SLC75A1: variants seen among roughly 807,000 people sequenced by gnomAD.
The protein encoded by SLC75A1 is major facilitator superfamily domain containing 10.
At chr4:2,931,380 G>A in the SLC75A1 span, 1 of 1,550,046 alleles carries the variant, frequency 6.5e-7, no homozygotes, top group South Asian at 1.2e-5. Context: ...CTCACCAAAG[G>A]AGTAGAGCAG....
At chr4:2,931,596 G>C in the SLC75A1 span, 10 of 1,613,412 alleles carry the variant, frequency 6.2e-6, no homozygotes, top group South Asian at 9.9e-5. Context: ...TGGATCCGCC[G>C]GGCATAGGCA....
the SLC75A1 span, chr4:2,931,001 TGGGA>T: frequency 1.2e-6 from 2 of 1,612,090 alleles, no homozygotes; most frequent in Non-Finnish European, 1.7e-6. Flanking sequence ...GGCTGGCACT[TGGGA>T]GGCGAGGGCA....
the SLC75A1 span, chr4:2,932,693 G>A: frequency 6.2e-7 from 1 of 1,607,914 alleles, no homozygotes; most frequent in South Asian, 1.1e-5. Flanking sequence ...CAATCAGCCT[G>A]GAGGCCAGGA....
At chr4:2,932,343 A>G in the SLC75A1 span, 7 of 1,611,238 alleles carry the variant, frequency 4.3e-6, no homozygotes, top group Admixed American at 1.7e-5. Flanking sequence ...CCCAGACCAC[A>G]GCCCTACCCG....
the SLC75A1 span, chr4:2,932,181 A>G: frequency 6.3e-7 from 1 of 1,584,420 alleles, no homozygotes. Context: ...GAGAGCCTGC[A>G]GGAGCGGCTG....
the SLC75A1 span, chr4:2,933,996 C>G: frequency 1.4e-6 from 2 of 1,459,746 alleles, no homozygotes; most frequent in African/African-American, 1.4e-5. Flanking sequence ...TCCTCCGGGG[C>G]CTGGCATACC....
chr4:2,932,310 C>T, the SLC75A1 span: 25 of 1,591,200 alleles, frequency 1.6e-5, no homozygotes, highest in Admixed American at 1.4e-4. Context: ...GGAATCAAGC[C>T]TCCAGCCCCT....
At chr4:2,930,953 A>G in the SLC75A1 span, 1 of 1,613,048 alleles carries the variant, frequency 6.2e-7, no homozygotes, top group Non-Finnish European at 8.5e-7. Context: ...CAGCCAGTAC[A>G]CTGCGGAGAG....
At chr4:2,933,286 C>T in the SLC75A1 span, 1 of 1,387,898 alleles carries the variant, frequency 7.2e-7, no homozygotes, top group Non-Finnish European at 1.0e-6. Context: ...GGCCAATGTC[C>T]AGCCCCGTCC....
the SLC75A1 span, chr4:2,931,265 A>G: frequency 6.4e-7 from 1 of 1,558,486 alleles, no homozygotes; most frequent in Non-Finnish European, 8.7e-7. Context: ...GGGCACCACA[A>G]CGGCGGCGGC....
At chr4:2,930,880 C>T in the SLC75A1 span, 1 of 1,612,962 alleles carries the variant, frequency 6.2e-7, no homozygotes, top group African/African-American at 1.3e-5. Flanking sequence ...TCAGCTTCTG[C>T]AGGAGGAAGA....
chr4:2,932,377 G>A, the SLC75A1 span: 27 of 1,613,392 alleles, frequency 1.7e-5, 1 homozygote, highest in East Asian at 5.6e-4. Flanking sequence ...AGCGTCTCTG[G>A]CAGGAAGCAG....
chr4:2,932,396 C>T, the SLC75A1 span: 2 of 1,613,474 alleles, frequency 1.2e-6, no homozygotes, highest in African/African-American at 1.3e-5. Context: ...AGAAGATGAA[C>T]AGCAGGTCGG....
chr4:2,932,640 A>G, the SLC75A1 span: 2 of 1,613,170 alleles, frequency 1.2e-6, no homozygotes, highest in Non-Finnish European at 1.7e-6. Flanking sequence ...CAGGTCAGCA[A>G]CGATGGCCGT....
the SLC75A1 span, chr4:2,933,349 G>A: frequency 6.1e-6 from 6 of 988,826 alleles, no homozygotes; most frequent in South Asian, 3.1e-5. Context: ...CCCTTGAGCC[G>A]AGGGGGCCCC....
chr4:2,934,809 G>C, the SLC75A1 span: 1 of 149,732 alleles, frequency 6.7e-6, no homozygotes, highest in African/African-American at 2.5e-5. Flanking sequence ...TCGCACAGAC[G>C]CGGAACAGGG....
chr4:2,933,864 C>T, the SLC75A1 span: 3 of 1,584,834 alleles, frequency 1.9e-6, no homozygotes, highest in Non-Finnish European at 2.6e-6. Context: ...CGCGGCGCTC[C>T]GGCGGCTGCT....
the SLC75A1 span, chr4:2,933,741 G>A: frequency 0.011 from 17,164 of 1,603,840 alleles, 109 homozygotes; most frequent in Non-Finnish European, 0.012. Flanking sequence ...GGGCCGCAGG[G>A]CAAGGACTCA....
chr4:2,933,658 G>A, the SLC75A1 span: 3 of 1,613,610 alleles, frequency 1.9e-6, no homozygotes, highest in Non-Finnish European at 2.5e-6. Context: ...AGCCATAGAG[G>A]GGGTCCTAGG....
Sources: allele counts gnomAD v4.1 joint callset, GRCh38; gene constraint gnomAD v4.1.1; transcripts MANE v1.5; gene names NCBI Gene and HGNC (gene_info 2026-07-23, HGNC 2026-07-21).